PLXND1: variants seen among roughly 807,000 people sequenced by gnomAD.
PLXND1 encodes plexin D1, also known as plexin-D1.
A neutral mutation model predicts 197.7 loss-of-function variants in PLXND1; 54 were observed. The ratio of observed to expected loss-of-function variants is 0.27; its 90% CI spans 0.22 to 0.34. The LOEUF (loss-of-function observed/expected upper bound fraction) is 0.34. PLXND1 is among the 10% of genes least tolerant of loss of function. PLXND1 has a pLI of 1.00. For synonymous variants in PLXND1, 1,180 were observed against 1,161.2 expected, an observed-to-expected ratio of 1.02 and a Z score of -0.33; for missense variants, 2,127 against 2,699.2, an observed-to-expected ratio of 0.79 and a Z score of 4.70.
At position 129,586,337 on chromosome 3, in the gene PLXND1, G is replaced by A. The variant is rs530903836; in HGVS notation, c.1621-65C>T. ...AGCCTCTCCCTTGGGGAGGTGGTAC[G>A]GTCAGCATGGTGCGGGCCATGAGAG... is the stretch of plus-strand genomic sequence containing the variant. On this transcript the variant is annotated intron_variant, in intron 3 of 35. Transcript: ENST00000324093. 6.8e-5 allele frequency: 87 copies of A among 1,273,672 alleles called. 1 individual carries two copies. The South Asian group carries it at 1.0e-3, about 15-fold the overall frequency. The allele number at this position is 1,273,672 out of a possible 1,614,324, so 78.9% of individuals were successfully genotyped here. A position where few individuals can be genotyped will look rare whatever the true frequency, so the allele number is the denominator to read the frequency against.
At chr3:129,589,314 ACCCCCACCCCCT>A in intron 2 of PLXND1, 25 bp downstream of exon 2, 1 of 346,844 alleles carries the variant, frequency 2.9e-6, no homozygotes, top group Non-Finnish European at 5.7e-6. Context: ...GGAGCCTCCC[ACCCCCACCCCCT>A]CCCCACATCC....
At position 129,584,451 on chromosome 3, in the gene PLXND1, C is replaced by G; in HGVS notation, c.1963G>C (p.Gly655Arg). The part of the protein sequence containing the change: ...TVARVPGPAF[G>R]HQIAYCNLLP... ...AGGTTGCAGTAGGCAATCTGGTGAC[C>G]AAAGGCAGGGCCTGGGACCCGAGCC... The change falls in exon 6 of 36, where the codon GGT (glycine) becomes CGT (arginine). Residue 655 changes from glycine (G) to arginine (R), a missense_variant. By Grantham distance (125) the Gly-to-Arg change is moderately radical. Coordinates refer to ENST00000324093, the MANE Select transcript of PLXND1 (RefSeq NM_015103.3). The G allele has an allele frequency of 6.2e-7, 1 of 1,613,780 alleles. No individual in the cohort carries two copies. The highest frequency in any genetic ancestry group is 1.3e-5 in the African/African-American group (1 of 75,056).
In PLXND1 at chr3:129,555,316, TGGCTGCGAGG is replaced by T. The variant is rs929155573; in HGVS notation, c.*986_*995del. 2 of 553,850 alleles carry T rather than the reference TGGCTGCGAGG, an allele frequency of 3.6e-6. No individual in the cohort carries two copies. The highest frequency in any genetic ancestry group is 6.3e-6 in the Non-Finnish European group (2 of 318,652). 34.3% of individuals were successfully genotyped at this position (553,850 alleles called of 1,614,324 possible). Reference sequence around the variant, plus strand: ...GAGCCAGTCCCAACACTGGCTGAGTTGGCTGCGAGGGGCCCGCATGGCCCATCGGCCACAG... The same window carrying T: ...GAGCCAGTCCCAACACTGGCTGAGTTGGCCCGCATGGCCCATCGGCCACAG... On this transcript the variant is annotated 3_prime_UTR_variant, in exon 36 of 36. Transcript: ENST00000324093.
chr3:129,592,894 T>G (rs1440227880), intron 1 of PLXND1, among the ~76,000 whole-genome samples: 1 of 151,690 alleles, frequency 6.6e-6, no homozygotes, highest in Non-Finnish European at 1.5e-5. Context: ...GGATGCAGGC[T>G]GGGGGAGGGG....
intron 25 of PLXND1, among the ~76,000 whole-genome samples, chr3:129,563,644 A>C (rs2085095792): frequency 6.6e-6 from 1 of 152,186 alleles, no homozygotes; most frequent in East Asian, 1.9e-4. Context: ...GTGTGAGTTT[A>C]GGTGGACCCG....
chr3:129,589,309 C>CAGG, intron 2 of PLXND1, 42 bp downstream of exon 2: 2 of 643,998 alleles, frequency 3.1e-6, no homozygotes, highest in Non-Finnish European at 5.6e-6. Context: ...CCAGGGGAGC[C>CAGG]TCCCACCCCC....
At chr3:129,596,425 A>G (rs1421988175) in intron 1 of PLXND1, among the ~76,000 whole-genome samples, 1 of 152,066 alleles carries the variant, frequency 6.6e-6, no homozygotes, top group Admixed American at 6.5e-5. Flanking sequence ...CCCTTCATGA[A>G]GCTGTTTCTC....
In PLXND1 at chr3:129,557,321, A is replaced by G; in HGVS notation, c.5446-98T>C. On this transcript the variant is annotated intron_variant, in intron 33 of 35. Coordinates refer to ENST00000324093, the MANE Select transcript of PLXND1 (RefSeq NM_015103.3). The surrounding 1 kb of genome is among the most constrained non-coding windows in gnomAD (Gnocchi z 4.8). The stretch of plus-strand genomic sequence containing the variant: ...CCTCATCCCTCCTGCCACATAAGTG[A>G]CCTTAGCAGGCCCCCGAGGCCCAAA... 1 of 1,394,388 alleles carries G rather than the reference A, an allele frequency of 7.2e-7. No individual in the cohort carries two copies. The highest frequency in any genetic ancestry group is 1.3e-5 in the South Asian group (1 of 79,354). 86.4% of individuals were successfully genotyped at this position (1,394,388 alleles called of 1,614,324 possible). A position where few individuals can be genotyped will look rare whatever the true frequency, so the allele number is the denominator to read the frequency against.
Position 129,595,229 on chromosome 3 carries a change from C to A in PLXND1, c.1312-5702G>T, listed in dbSNP as rs532255777. Among the ~76,000 whole-genome samples the A allele has an allele frequency of 6.6e-5, 10 of 152,352 alleles. No individual in the cohort carries two copies. The South Asian group carries it at 1.9e-3, about 28-fold the overall frequency. On this transcript the variant is annotated intron_variant, in intron 1 of 35. Transcript: ENST00000324093. ...GACTCCCAGACCCCAGCTCCTTCCACTTCAGCATGCACTGCCTCTCAGAAC... is the reference window on the plus strand; with the variant it reads ...GACTCCCAGACCCCAGCTCCTTCCAATTCAGCATGCACTGCCTCTCAGAAC...
chr3:129,571,746 C>A lies in PLXND1; in HGVS notation c.3176G>T (p.Gly1059Val). Residue 1059 changes from glycine (G) to valine (V), a missense_variant, in exon 16 of 36, where the codon GGC becomes GTC. Coordinates refer to ENST00000324093, the MANE Select transcript of PLXND1 (RefSeq NM_015103.3). Reference protein sequence around the residue: ...VRFERRGCVHGNLTFWYMQNP... With the variant: ...VRFERRGCVHVNLTFWYMQNP... ...CTGCATGTACCAGAAGGTGAGGTTG[C>A]CGTGCACGCAGCCCCGACGCTCGAA... The A allele has an allele frequency of 6.2e-7, 1 of 1,613,486 alleles. No homozygotes were observed. The highest frequency in any genetic ancestry group is 8.5e-7 in the Non-Finnish European group (1 of 1,179,944).
intron 24 of PLXND1, 31 bp from the exon 25 acceptor site, chr3:129,565,569 C>T (rs765027181): frequency 6.3e-7 from 1 of 1,590,288 alleles, no homozygotes; most frequent in East Asian, 2.2e-5. Flanking sequence ...TCAACTGCAC[C>T]TTGAGGCCCT....
chr3:129,559,536 G>C, intron 32 of PLXND1, 84 bp downstream of exon 32: 1 of 1,111,646 alleles, frequency 9.0e-7, no homozygotes, highest in South Asian at 1.7e-5. Context: ...CCAAGCAGGC[G>C]AGGCCAGAAG....
intron 1 of PLXND1, among the ~76,000 whole-genome samples, chr3:129,603,701 G>A (rs2085743780): frequency 6.6e-6 from 1 of 152,154 alleles, no homozygotes; most frequent in Admixed American, 6.5e-5. Context: ...CCTCGACCTT[G>A]GGAGAAGGAA....
intron 25 of PLXND1, among the ~76,000 whole-genome samples, chr3:129,563,811 T>C (rs940418429): frequency 6.6e-5 from 10 of 152,360 alleles, no homozygotes; most frequent in East Asian, 1.9e-4. Flanking sequence ...CTCAAGGCCA[T>C]TGCCCAGCAA....
In PLXND1 at chr3:129,606,128, TCGGCGGGCGGCG is replaced by T; in HGVS notation, c.500_511del (p.Ala167_Ala170del). On this transcript the variant is annotated inframe_deletion, in exon 1 of 36. Coordinates refer to ENST00000324093, the MANE Select transcript of PLXND1 (RefSeq NM_015103.3). ...CATGCTGGGGAACACCGTGACGGGC[TCGGCGGGCGGCG>T]CGGCGGGCGGGAAGCGCACGGCCAC... 6.6e-7 allele frequency: 1 copy of T among 1,511,812 alleles called. No individual in the cohort carries two copies. The highest frequency in any genetic ancestry group is 8.8e-7 in the Non-Finnish European group (1 of 1,137,538). 93.6% of individuals were successfully genotyped at this position (1,511,812 alleles called of 1,614,324 possible).
intron 25 of PLXND1, among the ~76,000 whole-genome samples, chr3:129,564,017 A>G (rs934744262): frequency 6.6e-6 from 1 of 152,262 alleles, no homozygotes; most frequent in Non-Finnish European, 1.5e-5. Flanking sequence ...AGGAGGAAAC[A>G]GGCTCATAGG....
chr3:129,563,730 CT>C (rs1170965154), intron 25 of PLXND1, among the ~76,000 whole-genome samples: 2 of 152,208 alleles, frequency 1.3e-5, no homozygotes, highest in African/African-American at 4.8e-5. Context: ...CTCAATGTCC[CT>C]GCTCTTGCCC....
chr3:129,558,900 C>A lies in PLXND1; in HGVS notation c.5298-325G>T, dbSNP rs1043217976. 5.9e-5 allele frequency among the ~76,000 whole-genome samples: 9 copies of A among 152,130 alleles called. No homozygotes were observed. The highest frequency in any genetic ancestry group is 2.2e-4 in the African/African-American group (9 of 41,410). On this transcript the variant is annotated intron_variant, in intron 32 of 35. Transcript: ENST00000324093. This position sits in a 1 kb window ranked among gnomAD's most constrained non-coding sequence, Gnocchi z 4.1. ...GGGCACCCCTGGCTCCTCCCTGAAC[C>A]CTTGCAGGCAGCAGGAAGTCCGACA...
chr3:129,602,063 T>C (rs1333532362), intron 1 of PLXND1, among the ~76,000 whole-genome samples: 1 of 152,158 alleles, frequency 6.6e-6, no homozygotes, highest in Non-Finnish European at 1.5e-5. Flanking sequence ...TCTAAAATAA[T>C]AGGTAGAAGA....
Sources: gnomAD v4.1 joint callset for allele counts (sites outside exome capture counted in the v4.1 genomes callset) on GRCh38, gnomAD v4.1.1 for gene constraint, Gnocchi (gnomAD v3.1) non-coding constraint, MANE v1.5 for transcripts, NCBI Gene and HGNC (gene_info 2026-07-23, HGNC 2026-07-21) for gene names.